Variants in USP15 observed in about 807,000 individuals in gnomAD.
USP15 encodes the protein ubiquitin carboxyl-terminal hydrolase 15.
Under a neutral mutation model 127.1 loss-of-function variants are expected in USP15, and 18 were observed. That is an observed-to-expected ratio of 0.14 (90% confidence interval 0.10 to 0.21). USP15 has a LOEUF of 0.21. USP15 is among the 10% of genes least tolerant of loss of function. USP15 has a pLI of 1.00. For missense variants in USP15, 805 were observed against 1,159.9 expected, an observed-to-expected ratio of 0.69 and a Z score of 4.44; for synonymous variants, 364 against 393.7, an observed-to-expected ratio of 0.92 and a Z score of 0.89.
At chr12:62,383,030 T>C (rs1203545459) in intron 9 of USP15, among the ~76,000 whole-genome samples, 3 of 151,970 alleles carry the variant, frequency 2.0e-5, no homozygotes, top group Admixed American at 6.6e-5. Flanking sequence ...CATTTTTATA[T>C]ATTAAAGATT....
At chr12:62,386,542 A>T (rs995639852) in intron 11 of USP15, among the ~76,000 whole-genome samples, 3 of 152,034 alleles carry the variant, frequency 2.0e-5, no homozygotes, top group Non-Finnish European at 4.4e-5. Context: ...CTGAAGGACA[A>T]TTAGGTTATA....
intron 8 of USP15, among the ~76,000 whole-genome samples, chr12:62,357,479 A>G (rs1268866226): frequency 4.6e-5 from 7 of 152,076 alleles, no homozygotes; most frequent in Non-Finnish European, 1.0e-4. Flanking sequence ...CACTCCTAAT[A>G]TATTTTACCA....
rs539312903 is a variant in USP15, at chr12:62,315,051, A to G, written c.475+135A>G. 69 of 810,222 alleles carry G rather than the reference A, an allele frequency of 8.5e-5. 1 individual carries two copies. The South Asian group carries it at 1.3e-3, about 15-fold the overall frequency. 50.2% of individuals were successfully genotyped at this position (810,222 alleles called of 1,614,324 possible). A position where few individuals can be genotyped will look rare whatever the true frequency, so the allele number is the denominator to read the frequency against. On this transcript the variant is annotated intron_variant, in intron 4 of 21. Coordinates refer to ENST00000280377, the MANE Select transcript of USP15 (RefSeq NM_001252078.2). ...ACATTTGATTTCCAGCTTTGATACA[A>G]TGTCTTAGAGTTAAATTATTTATTG... is the stretch of plus-strand genomic sequence containing the variant.
intron 3 of USP15, among the ~76,000 whole-genome samples, chr12:62,314,487 A>G (rs1396181992): frequency 6.6e-6 from 1 of 151,926 alleles, no homozygotes; most frequent in Non-Finnish European, 1.5e-5. Flanking sequence ...AATACTGAAT[A>G]TTAATTATTT....
rs77183339 is a variant in USP15 at position 62,304,826 on chromosome 12, T to C, written c.348+1906T>C. 388 of 237,520 alleles carry C rather than the reference T, an allele frequency of 1.6e-3. 8 individuals carry two copies. In the East Asian group the frequency reaches 0.035, roughly 21 times the overall value. 14.7% of individuals were successfully genotyped at this position (237,520 alleles called of 1,614,324 possible). On this transcript the variant is annotated intron_variant, in intron 3 of 21. Coordinates refer to ENST00000280377, the MANE Select transcript of USP15 (RefSeq NM_001252078.2). The stretch of plus-strand genomic sequence containing the variant: ...AGATTTTAGAATAGTGGGCTTATTA[T>C]GCTTAAAAAAAAAAAAAAAGGCAGA...
At position 62,396,279 on chromosome 12, in the gene USP15, T is replaced by C. The variant is rs1490472965; in HGVS notation, c.2571-16T>C. On this transcript the variant is annotated splice_polypyrimidine_tract_variant and intron_variant, in intron 19 of 21. Coordinates refer to ENST00000280377, the MANE Select transcript of USP15 (RefSeq NM_001252078.2). Reference sequence around the variant, plus strand: ...AGGGACAACATAAAAATTAACTTGGTTTCTTTTTTAAACAGTGACTTGGAT... The same window carrying C: ...AGGGACAACATAAAAATTAACTTGGCTTCTTTTTTAAACAGTGACTTGGAT... 3.9e-6 allele frequency: 6 copies of C among 1,552,916 alleles called. No individual in the cohort carries two copies. Among genetic ancestry groups the C allele is most frequent in the Admixed American group, 4.3e-5 (2 of 46,602 alleles).
At chr12:62,371,827 G>A (rs1393879991) in intron 8 of USP15, among the ~76,000 whole-genome samples, 2 of 152,112 alleles carry the variant, frequency 1.3e-5, no homozygotes, top group African/African-American at 2.4e-5. Context: ...ACTGGGAATA[G>A]CATCAGGAGG....
chr12:62,348,167 C>T (rs1190282580), intron 6 of USP15, among the ~76,000 whole-genome samples: 1 of 152,142 alleles, frequency 6.6e-6, no homozygotes, highest in East Asian at 1.9e-4. Flanking sequence ...GTGATTGTGT[C>T]ACTGCCCCCC....
rs1025320413 is a variant in USP15, at chr12:62,389,446, C to T, written c.1489C>T (p.Pro497Ser). The T allele has an allele frequency of 6.2e-7, 1 of 1,609,578 alleles. No homozygotes were observed. ...TGTTTTTTAGTACAAAGTGGTTGTC[C>T]CCAAAATTGGAAACATATTAGATCT... ...TKPMQYKVVVPKIGNILDLCT... is the reference protein window; with the variant it reads ...TKPMQYKVVVSKIGNILDLCT... Residue 497 changes from proline (P) to serine (S), a missense_variant, in exon 12 of 22, where the codon CCC (proline) becomes TCC (serine). Around this residue, in one of 11 missense-constraint regions of USP15, gnomAD observed 82 missense variants for 104.4 expected, o/e 0.79. Coordinates refer to ENST00000280377, the MANE Select transcript of USP15 (RefSeq NM_001252078.2).
At chr12:62,300,493 C>T (rs370246281) in intron 2 of USP15, among the ~76,000 whole-genome samples, 3 of 152,004 alleles carry the variant, frequency 2.0e-5, no homozygotes, top group East Asian at 3.9e-4. Context: ...TAGAAGTTAA[C>T]ACTATTTGAT....
chr12:62,392,132 A>G (rs775463604), intron 17 of USP15, 140 bp from the exon 18 acceptor site: 108 of 703,826 alleles, frequency 1.5e-4, no homozygotes, highest in Non-Finnish European at 2.3e-4. Context: ...ATTTAGAAGT[A>G]TATAAATCTC....
rs1298810236 is a variant in USP15, at chr12:62,412,116, T to C, written c.*7741T>C. The C allele has an allele frequency of 2.0e-5, 3 of 152,178 alleles. No homozygotes were observed. In the South Asian group the frequency reaches 6.2e-4, roughly 31 times the overall value. 9.4% of individuals were successfully genotyped at this position (152,178 alleles called of 1,614,324 possible). ...TAAATAAAGTGAGTCACAAATTTTT[T>C]GGTTTCCCAGTGCATATAAAAGGCA... On this transcript the variant is annotated 3_prime_UTR_variant, in exon 22 of 22. Coordinates refer to ENST00000280377, the MANE Select transcript of USP15 (RefSeq NM_001252078.2).
Position 62,389,413 on chromosome 12 carries a change from A to AT in USP15, c.1474-10dup, listed in dbSNP as rs773419412. ...TTTCCAAAATAATAAATTCATTACA[A>AT]TTTTTTTTGTTTTTTAGTACAAAGT... is the stretch of plus-strand genomic sequence containing the variant. On this transcript the variant is annotated splice_polypyrimidine_tract_variant and intron_variant, in intron 11 of 21. Coordinates refer to ENST00000280377, the MANE Select transcript of USP15 (RefSeq NM_001252078.2). The AT allele has an allele frequency of 1.6e-5, 25 of 1,593,014 alleles. No homozygotes were observed. The highest frequency in any genetic ancestry group is 1.1e-4 in the South Asian group (10 of 87,670).
In USP15 at chr12:62,390,963, TGAA is replaced by T; in HGVS notation, c.1949_1951del (p.Glu650del). The T allele has an allele frequency of 6.2e-7, 1 of 1,611,834 alleles. No homozygotes were observed. The highest frequency in any genetic ancestry group is 2.2e-5 in the East Asian group (1 of 44,704). ...ATGGGAATGGCCCAAATGGCATACA[TGAA>T]GAAGGCTCACCAAGTAAGACTTTTC... On this transcript the variant is annotated inframe_deletion, in exon 15 of 22. Coordinates refer to ENST00000280377, the MANE Select transcript of USP15 (RefSeq NM_001252078.2).
At position 62,405,580 on chromosome 12, in the gene USP15, T is replaced by G. The variant is rs1390975039; in HGVS notation, c.*1205T>G. The G allele has an allele frequency of 6.6e-6, 1 of 152,620 alleles. No individual in the cohort carries two copies. The highest frequency in any genetic ancestry group is 1.5e-5 in the Non-Finnish European group (1 of 68,002). The allele number at this position is 152,620 out of a possible 1,614,324, so 9.5% of individuals were successfully genotyped here. On this transcript the variant is annotated 3_prime_UTR_variant, in exon 22 of 22. Transcript: ENST00000280377. ...ATATGTGTGAACATTTGAAACATTT[T>G]TATTTGCTGCTTTTTCCCTTTGATA...
intron 6 of USP15, among the ~76,000 whole-genome samples, chr12:62,338,451 C>A (rs923997516): frequency 2.0e-5 from 3 of 152,236 alleles, no homozygotes. Flanking sequence ...ATGATAGTTT[C>A]TTTTCCTGTG....
At chr12:62,339,989 A>C (rs1035602690) in intron 6 of USP15, among the ~76,000 whole-genome samples, 4 of 152,158 alleles carry the variant, frequency 2.6e-5, no homozygotes, top group Non-Finnish European at 4.4e-5. Flanking sequence ...CCTCTGGTAC[A>C]ATTTGGCTGT....
chr12:62,398,661 AG>A (rs2067576877), intron 20 of USP15, among the ~76,000 whole-genome samples: 1 of 152,208 alleles, frequency 6.6e-6, no homozygotes, highest in Non-Finnish European at 1.5e-5. Context: ...ATTAATCTTT[AG>A]GAGTCCGAAA....
At chr12:62,306,893 C>T (rs1306260507) in intron 3 of USP15, among the ~76,000 whole-genome samples, 2 of 152,044 alleles carry the variant, frequency 1.3e-5, no homozygotes, top group African/African-American at 2.4e-5. Context: ...ACAAAAGGCC[C>T]TATAAAGTAT....
Sources: allele counts gnomAD v4.1 joint callset (sites outside exome capture counted in the v4.1 genomes callset), GRCh38; gene constraint gnomAD v4.1.1; regional missense constraint gnomAD v4.1.1; transcripts MANE v1.5; gene names NCBI Gene and HGNC (gene_info 2026-07-23, HGNC 2026-07-21).